The following RAB38 variants were observed in gnomAD, a reference collection of about 807,000 sequenced individuals.
RAB38 encodes the protein ras-related protein Rab-38.
RAB38 carries 15 observed loss-of-function variants against 18.4 expected under a neutral mutation model. That is an observed-to-expected ratio of 0.82 (90% CI 0.55 to 1.26). The LOEUF is 1.26. Ranked by LOEUF, RAB38 falls within the 50% of genes most tolerant of loss-of-function variation. The pLI is 0.00. For missense variants in RAB38, 294 were observed against 267.4 expected (o/e 1.10, Z -0.69); for synonymous variants, 101 against 104.4 (o/e 0.97, Z 0.20).
the RAB38 span, among the ~76,000 whole-genome samples, chr11:88,035,525 G>A: frequency 1.3e-5 from 2 of 152,178 alleles, no homozygotes; most frequent in African/African-American, 4.8e-5. Context: ...GCCAGCTGAA[G>A]AGCAAGGAAG....
chr11:88,007,153 T>C, the RAB38 span, among the ~76,000 whole-genome samples: 1 of 151,836 alleles, frequency 6.6e-6, no homozygotes, highest in Admixed American at 6.6e-5. Context: ...AATAAAAAGA[T>C]AAAATTACAC....
At chr11:88,168,017 G>A (rs559363865) in intron 1 of RAB38, among the ~76,000 whole-genome samples, 1 of 152,202 alleles carries the variant, frequency 6.6e-6, no homozygotes, top group Non-Finnish European at 1.5e-5. Flanking sequence ...AGAAAGGATT[G>A]TAAGTGTAAC....
the RAB38 span, among the ~76,000 whole-genome samples, chr11:87,896,124 G>GT: frequency 6.6e-6 from 1 of 151,728 alleles, no homozygotes; most frequent in African/African-American, 2.4e-5. Context: ...CTACTCATTA[G>GT]TAACGTAAAA....
chr11:87,852,124 G>C, the RAB38 span, among the ~76,000 whole-genome samples: 28,895 of 151,840 alleles, frequency 0.19, 3,382 homozygotes, highest in African/African-American at 0.32. Context: ...CTCTGTGTCC[G>C]TGTGTCTTTA....
At chr11:88,137,388 C>A (rs12295227) in intron 2 of RAB38, among the ~76,000 whole-genome samples, 64,011 of 151,956 alleles carry the variant, frequency 0.42, 13,583 homozygotes, top group Middle Eastern at 0.46. Context: ...CAAATATAAT[C>A]AACTATCACA....
At chr11:87,848,809 G>C in the RAB38 span, among the ~76,000 whole-genome samples, 3 of 152,026 alleles carry the variant, frequency 2.0e-5, no homozygotes, top group Middle Eastern at 3.2e-3. Context: ...TTAACTACCG[G>C]AAAATCAGTA....
intron 1 of RAB38, among the ~76,000 whole-genome samples, chr11:88,156,443 C>G (rs1943126141): frequency 6.6e-6 from 1 of 152,192 alleles, no homozygotes; most frequent in Admixed American, 6.5e-5. Context: ...GTGGCTCATG[C>G]CTGTAACCCC....
chr11:87,955,655 ATATCTATCAATCATC>A, the RAB38 span, among the ~76,000 whole-genome samples: 36 of 151,676 alleles, frequency 2.4e-4, no homozygotes, highest in Admixed American at 5.3e-4. Context: ...TTTAGCTCTT[ATATCTATCAATCATC>A]TATCTATCAA....
At chr11:87,854,796 A>G in the RAB38 span, among the ~76,000 whole-genome samples, 1 of 151,988 alleles carries the variant, frequency 6.6e-6, no homozygotes, top group African/African-American at 2.4e-5. Flanking sequence ...AATATTTATG[A>G]TTCCTTTTTC....
the RAB38 span, among the ~76,000 whole-genome samples, chr11:87,837,825 A>G: frequency 6.6e-6 from 1 of 152,188 alleles, no homozygotes; most frequent in Non-Finnish European, 1.5e-5. Context: ...GTAGCCATTC[A>G]CCTAAGGGAA....
At chr11:88,110,480 C>A (rs1169841324), downstream of RAB38, among the ~76,000 whole-genome samples, 1 of 151,952 alleles carries the variant, frequency 6.6e-6, no homozygotes, top group East Asian at 1.9e-4. Flanking sequence ...ATATAACAAA[C>A]CTGCACATTC....
chr11:88,109,252 C>CA (rs1236583864), downstream of RAB38, among the ~76,000 whole-genome samples: 18 of 152,196 alleles, frequency 1.2e-4, no homozygotes, highest in African/African-American at 4.3e-4. Context: ...ACAAATCTGA[C>CA]AAAAACAAGC....
chr11:87,810,969 G>T, the RAB38 span, among the ~76,000 whole-genome samples: 1 of 152,122 alleles, frequency 6.6e-6, no homozygotes, highest in Non-Finnish European at 1.5e-5. Flanking sequence ...TTTTAAAAAG[G>T]CTTTAGAACA....
the RAB38 span, among the ~76,000 whole-genome samples, chr11:88,074,548 A>G: frequency 6.6e-6 from 1 of 152,184 alleles, no homozygotes; most frequent in East Asian, 1.9e-4. Flanking sequence ...AAATACCTAT[A>G]ATAGATTTAT....
At chr11:87,957,486 A>G in the RAB38 span, among the ~76,000 whole-genome samples, 1 of 152,202 alleles carries the variant, frequency 6.6e-6, no homozygotes, top group Non-Finnish European at 1.5e-5. Flanking sequence ...AAGTCTGATG[A>G]AAAAAGTGAA....
At chr11:87,955,827 C>A in the RAB38 span, among the ~76,000 whole-genome samples, 27 of 151,632 alleles carry the variant, frequency 1.8e-4, no homozygotes, top group East Asian at 3.7e-3. Context: ...TGCCTCATAA[C>A]TCATTAGTGA....
At chr11:88,062,395 A>G in the RAB38 span, among the ~76,000 whole-genome samples, 2 of 152,192 alleles carry the variant, frequency 1.3e-5, no homozygotes, top group East Asian at 3.8e-4. Flanking sequence ...CTCCCCAGCC[A>G]TGCAGAAATG....
At chr11:87,913,733 A>C in the RAB38 span, among the ~76,000 whole-genome samples, 1 of 152,170 alleles carries the variant, frequency 6.6e-6, no homozygotes, top group South Asian at 2.1e-4. Context: ...TGACGCTTTG[A>C]GAGCAGGTTG....
the RAB38 span, among the ~76,000 whole-genome samples, chr11:87,947,945 G>C: frequency 2.0e-5 from 3 of 152,278 alleles, no homozygotes; most frequent in Non-Finnish European, 4.4e-5. Flanking sequence ...GTCATTGGTA[G>C]CTTGATGGGG....
Sources: allele counts gnomAD v4.1 joint callset (sites outside exome capture counted in the v4.1 genomes callset), GRCh38; gene constraint gnomAD v4.1.1; transcripts MANE v1.5; gene names NCBI Gene and HGNC (gene_info 2026-07-23, HGNC 2026-07-21).